TUT4: variants seen among roughly 807,000 people sequenced by gnomAD.
TUT4 encodes terminal uridylyltransferase 4.
TUT4 carries 36 observed loss-of-function variants against 192.2 expected under a neutral mutation model. That is an observed-to-expected ratio of 0.19 (90% CI 0.14 to 0.25). TUT4 has a LOEUF of 0.25. Among genes scored for constraint, TUT4 ranks in the 10% least tolerant of loss-of-function variants. The probability of loss-of-function intolerance (pLI) is 1.00; values close to 1 mark genes in which losing one functional copy is unlikely to be tolerated. For missense variants in TUT4, 1,493 were observed against 1,957.2 expected, an observed-to-expected ratio of 0.76 and a Z score of 4.47; for synonymous variants, 618 against 666.0, an observed-to-expected ratio of 0.93 and a Z score of 1.11.
chr1:52,496,959 GGAAGAGTTTTGTGATTTTCAAAAT>G (rs760694049), intron 5 of TUT4, 23 bp downstream of exon 5: 1 of 1,563,334 alleles, frequency 6.4e-7, no homozygotes, highest in East Asian at 2.3e-5. Context: ...GAGGAGCAAG[GGAAGAGTTTTGTGATTTTCAAAAT>G]CAAATATGAA....
rs775920612 is a variant in TUT4 at position 52,481,484 on chromosome 1, T to G, written c.1787A>C (p.Asp596Ala). Residue 596 changes from aspartate (D) to alanine (A), a missense_variant, in exon 11 of 30, where the codon GAT (aspartate) becomes GCT (alanine). By Grantham distance (126) the Asp-to-Ala change is moderately radical (BLOSUM62 -2). This residue lies in a region of TUT4 where 437 missense variants were observed against 577.6 expected (regional missense o/e 0.76). Coordinates refer to ENST00000257177, the MANE Select transcript of TUT4 (RefSeq NM_001009881.3). The part of the protein sequence containing the change: ...ENKAKADQPK[D>A]DTKKTETDNQ... ...GTCTGTTTCTGTCTTCTTGGTATCA[T>G]CTTTTGGTTGGTCTGCCTTAGCTTT... The G allele has an allele frequency of 6.2e-7, 1 of 1,614,046 alleles. No homozygotes were observed. Among genetic ancestry groups the G allele is most frequent in the Admixed American group, 1.7e-5 (1 of 60,014 alleles).
intron 1 of TUT4, among the ~76,000 whole-genome samples, chr1:52,541,119 T>C (rs554504993): frequency 5.9e-4 from 89 of 151,286 alleles, no homozygotes; most frequent in African/African-American, 2.0e-3. Flanking sequence ...GGCACAAGAA[T>C]TGCCTGAACC....
intron 13 of TUT4, among the ~76,000 whole-genome samples, chr1:52,474,311 C>CA (rs1217502007): frequency 6.6e-6 from 1 of 152,166 alleles, no homozygotes; most frequent in Non-Finnish European, 1.5e-5. Flanking sequence ...TCCAGAGGCT[C>CA]AGTAGCAGAA....
chr1:52,431,718 CA>C, intron 27 of TUT4: 1 of 246,872 alleles, frequency 4.1e-6, no homozygotes, highest in Non-Finnish European at 7.6e-6. Flanking sequence ...ATTGCAAACT[CA>C]AAACTTCCAT....
chr1:52,524,416 G>A (rs542237206), intron 2 of TUT4, among the ~76,000 whole-genome samples: 4 of 152,068 alleles, frequency 2.6e-5, no homozygotes, highest in Non-Finnish European at 4.4e-5. Context: ...CCAGCTACTC[G>A]GAGAGGCTGA....
chr1:52,465,256 A>C, intron 15 of TUT4, 83 bp from the exon 16 acceptor site: 1 of 831,258 alleles, frequency 1.2e-6, no homozygotes, highest in Non-Finnish European at 1.9e-6. Flanking sequence ...ACCTAATACA[A>C]CATGCTCTTG....
chr1:52,455,858 G>C (rs755347589), intron 20 of TUT4, among the ~76,000 whole-genome samples: 15 of 152,010 alleles, frequency 9.9e-5, no homozygotes, highest in Admixed American at 6.6e-5. Context: ...ATGCAAACTG[G>C]TACAGCCACT....
rs772343619 is a variant in TUT4, at chr1:52,458,323, C to T, written c.3435+13G>A. ...TCAAAAAAAACTCCTTTATAGTTTT[C>T]TTAAACACCTACCTCTTGTAGAACT... On this transcript the variant is annotated intron_variant, in intron 20 of 29. Transcript: ENST00000257177. 8.1e-6 allele frequency: 13 copies of T among 1,602,372 alleles called. No homozygotes were observed. Among genetic ancestry groups the T allele is most frequent in the Admixed American group, 6.8e-5 (4 of 58,732 alleles).
intron 26 of TUT4, among the ~76,000 whole-genome samples, chr1:52,436,365 A>T (rs937358214): frequency 7.2e-5 from 11 of 152,144 alleles, no homozygotes; most frequent in Admixed American, 4.6e-4. Context: ...ATGCGCCTGT[A>T]ATCCCAGCTA....
In TUT4 at chr1:52,509,586, A is replaced by C. The variant is rs774790793; in HGVS notation, c.999+10T>G. Reference sequence around the variant, plus strand: ...AAAATAAATAAAAGTATTTTTTAAAAAGAACTTACCAAAATATTTTTCTTA... The same window carrying C: ...AAAATAAATAAAAGTATTTTTTAAACAGAACTTACCAAAATATTTTTCTTA... On this transcript the variant is annotated intron_variant, in intron 4 of 29. Transcript: ENST00000257177. The C allele has an allele frequency of 3.7e-6, 5 of 1,368,610 alleles. No homozygotes were observed. The South Asian group carries it at 6.4e-5, about 18-fold the overall frequency. The allele number at this position is 1,368,610 out of a possible 1,614,324, so 84.8% of individuals were successfully genotyped here.
chr1:52,462,607 G>T (rs957494127), intron 16 of TUT4: 4 of 456,070 alleles, frequency 8.8e-6, no homozygotes, highest in African/African-American at 4.3e-5. Flanking sequence ...CAGAGCTGTT[G>T]GGAGGATTAC....
Position 52,446,272 on chromosome 1 carries a change from T to C in TUT4, c.3684A>G (p.Ala1228=). Residue 1228 remains alanine, a synonymous_variant, in exon 22 of 30, where the codon GCA becomes GCG. Transcript: ENST00000257177. ...TATCAGCTTAAATGTTACCTTCAAT[T>C]GCAATGCACTTGGAAGTCCACTGCT... The part of the protein sequence containing the change: ...FEKQWTSKCI[A]IEDPFDLNHN... 1 of 1,605,590 alleles carries C rather than the reference T, an allele frequency of 6.2e-7. No individual in the cohort carries two copies. Among genetic ancestry groups the C allele is most frequent in the South Asian group, 1.1e-5 (1 of 88,640 alleles).
chr1:52,497,325 G>C lies in TUT4; in HGVS notation c.1000-142C>G, dbSNP rs1570963382. On this transcript the variant is annotated intron_variant, in intron 4 of 29. Transcript: ENST00000257177. ...TCTACCAGATACCTACAATACGGAA[G>C]TGAACAAAAGACTTCTGCCTTTGGG... The C allele has an allele frequency of 9.8e-6, 8 of 819,060 alleles. No homozygotes were observed. In the South Asian group the frequency reaches 1.8e-4, roughly 18 times the overall value. 50.7% of individuals were successfully genotyped at this position (819,060 alleles called of 1,614,324 possible).
chr1:52,482,499 G>A (rs925839316), intron 9 of TUT4, among the ~76,000 whole-genome samples: 1 of 152,258 alleles, frequency 6.6e-6, no homozygotes, highest in Admixed American at 6.5e-5. Flanking sequence ...AAGTGCAGTG[G>A]CATGATCATG....
intron 2 of TUT4, among the ~76,000 whole-genome samples, chr1:52,517,023 A>C (rs1368618771): frequency 6.6e-6 from 1 of 152,212 alleles, no homozygotes; most frequent in Non-Finnish European, 1.5e-5. Context: ...GCCAGAATTA[A>C]TCACCAAAGC....
intron 4 of TUT4, among the ~76,000 whole-genome samples, chr1:52,500,298 TA>T (rs1488199625): frequency 1.3e-5 from 2 of 152,104 alleles, no homozygotes; most frequent in Non-Finnish European, 2.9e-5. Flanking sequence ...TTAGATCATA[TA>T]CAAAAATTAA....
At chr1:52,440,433 GTTT>G (rs908687717) in intron 24 of TUT4, among the ~76,000 whole-genome samples, 9 of 110,154 alleles carry the variant, frequency 8.2e-5, no homozygotes, top group East Asian at 2.7e-4. Context: ...CCCATCCTGT[GTTT>G]TTTTTTTTTT....
intron 15 of TUT4, 76 bp from the exon 16 acceptor site, chr1:52,465,249 T>A: frequency 1.1e-6 from 1 of 892,300 alleles, no homozygotes; most frequent in Non-Finnish European, 1.7e-6. Context: ...GCTGATGACC[T>A]AATACAACAT....
At chr1:52,482,565 TAC>T (rs1668752996) in intron 9 of TUT4, among the ~76,000 whole-genome samples, 2 of 152,190 alleles carry the variant, frequency 1.3e-5, no homozygotes, top group Admixed American at 6.5e-5. Context: ...TAGCTGGGAC[TAC>T]AGGCATGCAC....
Sources: allele counts gnomAD v4.1 joint callset (sites outside exome capture counted in the v4.1 genomes callset), GRCh38; gene constraint gnomAD v4.1.1; regional missense constraint gnomAD v4.1.1; transcripts MANE v1.5; gene names NCBI Gene and HGNC (gene_info 2026-07-23, HGNC 2026-07-21).